Variants in WWC2 observed in about 807,000 individuals in gnomAD.
The protein encoded by WWC2 is WW and C2 domain containing 2, also known as protein WWC2.
WWC2 carries 101 observed loss-of-function variants against 138.5 expected under a neutral mutation model. That is an observed-to-expected ratio of 0.73 (90% CI 0.62 to 0.86). WWC2 has a LOEUF of 0.86. Ranked by LOEUF, WWC2 falls within the 40% of genes least tolerant of loss-of-function variation. The probability of loss-of-function intolerance (pLI) is 0.00; values close to 1 mark genes in which losing one functional copy is unlikely to be tolerated. For missense variants in WWC2, 1,420 were observed against 1,419.4 expected (o/e 1.00, Z -0.01); for synonymous variants, 558 against 538.4 (o/e 1.04, Z -0.50).
chr4:183,217,454 C>A (rs1420737405), intron 4 of WWC2, among the ~76,000 whole-genome samples: 1 of 151,414 alleles, frequency 6.6e-6, no homozygotes, highest in Non-Finnish European at 1.5e-5. Flanking sequence ...TGCAAAGAAG[C>A]AAGGAAATAT....
At chr4:183,118,359 A>G (rs1732493183) in intron 1 of WWC2, among the ~76,000 whole-genome samples, 1 of 152,138 alleles carries the variant, frequency 6.6e-6, no homozygotes, top group Non-Finnish European at 1.5e-5. Flanking sequence ...GAATCTTTTC[A>G]TTTGTACATT....
At chr4:183,211,075 A>G (rs1405110366) in intron 4 of WWC2, among the ~76,000 whole-genome samples, 6 of 152,238 alleles carry the variant, frequency 3.9e-5, no homozygotes, top group Non-Finnish European at 7.3e-5. Context: ...AGTATTTTCT[A>G]ACTTCCTTTA....
At chr4:183,185,219 A>G (rs111357497) in intron 1 of WWC2, among the ~76,000 whole-genome samples, 1 of 152,242 alleles carries the variant, frequency 6.6e-6, no homozygotes, top group Admixed American at 6.5e-5. Context: ...AGATGCACGC[A>G]TAGGTTTCAG....
At chr4:183,141,285 C>T (rs563605395) in intron 1 of WWC2, among the ~76,000 whole-genome samples, 62 of 152,270 alleles carry the variant, frequency 4.1e-4, no homozygotes, top group African/African-American at 1.5e-3. Context: ...GCTGTGTCCC[C>T]ACATGGCCTT....
intron 1 of WWC2, among the ~76,000 whole-genome samples, chr4:183,173,617 C>G (rs1734358268): frequency 6.6e-6 from 1 of 151,564 alleles, no homozygotes; most frequent in Non-Finnish European, 1.5e-5. Flanking sequence ...CAGTGGATTG[C>G]AAGCAGAAGT....
chr4:183,117,633 T>G lies in WWC2; in HGVS notation c.131+18011T>G, dbSNP rs368833960. ...ATGTAAATTACAAAGCTTTTTTTTT[T>G]TTTGTTTAAAACACTGAGACAAGGT... is the stretch of plus-strand genomic sequence containing the variant. On this transcript the variant is annotated intron_variant, in intron 1 of 22. Transcript: ENST00000403733. Among the ~76,000 whole-genome samples, 39 of 152,080 alleles carry G rather than the reference T, an allele frequency of 2.6e-4. 1 individual carries two copies. The highest frequency in any genetic ancestry group is 6.2e-4 in the South Asian group (3 of 4,816).
chr4:183,218,489 A>G (rs548784077), intron 4 of WWC2, among the ~76,000 whole-genome samples: 1 of 152,364 alleles, frequency 6.6e-6, no homozygotes, highest in East Asian at 1.9e-4. Context: ...ACTTTTTGAT[A>G]TATATCTATA....
chr4:183,134,623 G>A lies in WWC2; in HGVS notation c.131+35001G>A, dbSNP rs544525308. 1.4e-4 allele frequency among the ~76,000 whole-genome samples: 21 copies of A among 151,878 alleles called. No homozygotes were observed. The South Asian group carries it at 4.2e-3, about 30-fold the overall frequency. ...TGTTTTATCTTGTTGCCTCTTGTTT[G>A]TTTCATCTCTCTCACCATGAATTCT... On this transcript the variant is annotated intron_variant, in intron 1 of 22. Coordinates refer to ENST00000403733, the MANE Select transcript of WWC2 (RefSeq NM_024949.6).
chr4:183,114,032 GT>G (rs1332332112), intron 1 of WWC2, among the ~76,000 whole-genome samples: 1 of 152,140 alleles, frequency 6.6e-6, no homozygotes, highest in Non-Finnish European at 1.5e-5. Flanking sequence ...CCAAAGTTCT[GT>G]TTCCGATGTA....
At chr4:183,160,473 T>G (rs1034710035) in intron 1 of WWC2, among the ~76,000 whole-genome samples, 10 of 152,208 alleles carry the variant, frequency 6.6e-5, no homozygotes, top group African/African-American at 2.4e-4. Flanking sequence ...ATGAACCATA[T>G]TGAATCAGTC....
At chr4:183,154,617 A>G (rs1184582435) in intron 1 of WWC2, among the ~76,000 whole-genome samples, 3 of 152,216 alleles carry the variant, frequency 2.0e-5, no homozygotes, top group Admixed American at 1.3e-4. Flanking sequence ...AAGGTATGGC[A>G]ACATTTCACA....
intron 1 of WWC2, among the ~76,000 whole-genome samples, chr4:183,153,610 C>T (rs1370579141): frequency 6.7e-6 from 1 of 149,392 alleles, no homozygotes; most frequent in Non-Finnish European, 1.5e-5. Context: ...ATTGAAATGT[C>T]AGTTTTTAGT....
chr4:183,253,850 TGAAAAA>T lies in WWC2; in HGVS notation c.1051_1056del (p.Lys351_Glu352del). 1.2e-6 allele frequency: 2 copies of T among 1,613,748 alleles called. No homozygotes were observed. The highest frequency in any genetic ancestry group is 1.7e-6 in the Non-Finnish European group (2 of 1,179,820). Reference sequence around the variant, plus strand: ...AGAAGGAAAAACTGATGCTGATTAATGAAAAAGAAGAACTTTTGAAAGAGCTTCAGT... The same window carrying T: ...AGAAGGAAAAACTGATGCTGATTAATGAAGAACTTTTGAAAGAGCTTCAGT... On this transcript the variant is annotated inframe_deletion, in exon 9 of 23. Coordinates refer to ENST00000403733, the MANE Select transcript of WWC2 (RefSeq NM_024949.6).
chr4:183,138,332 G>A (rs967777098), intron 1 of WWC2, among the ~76,000 whole-genome samples: 1 of 152,120 alleles, frequency 6.6e-6, no homozygotes, highest in African/African-American at 2.4e-5. Flanking sequence ...TAATGGTAGG[G>A]TTTTGCTTAG....
intron 4 of WWC2, among the ~76,000 whole-genome samples, chr4:183,237,774 A>G (rs530581162): frequency 6.6e-6 from 1 of 152,328 alleles, no homozygotes; most frequent in African/African-American, 2.4e-5. Context: ...CTATGCAAAC[A>G]TGAGTATTAC....
chr4:183,146,391 G>A (rs1018202920), intron 1 of WWC2, among the ~76,000 whole-genome samples: 1 of 152,220 alleles, frequency 6.6e-6, no homozygotes, highest in Non-Finnish European at 1.5e-5. Flanking sequence ...TCTCTCTCTA[G>A]ATGAGGGCCG....
intron 1 of WWC2, among the ~76,000 whole-genome samples, chr4:183,147,081 G>A (rs1733483559): frequency 6.6e-6 from 1 of 152,222 alleles, no homozygotes; most frequent in South Asian, 2.1e-4. Flanking sequence ...AAGCTCACAG[G>A]TGATGTCAAT....
At chr4:183,147,495 C>G (rs746524666) in intron 1 of WWC2, among the ~76,000 whole-genome samples, 101 of 152,190 alleles carry the variant, frequency 6.6e-4, no homozygotes, top group Non-Finnish European at 1.3e-3. Context: ...TCAGATCACT[C>G]TGTTGTTATT....
chr4:183,099,549 AG>A lies in WWC2; in HGVS notation c.61del (p.Asp21ThrfsTer25). The stretch of plus-strand genomic sequence containing the variant: ...GCTGCCCCGGGGCTGGGAGGAGGCC[AG>A]GGACTACGACGGCAAGGTCTTCTAC... ...LPLPRGWEEA[R>X]DYDGKVFYID... On this transcript the variant is annotated frameshift_variant, in exon 1 of 23. Transcript: ENST00000403733. LOFTEE classifies it high-confidence loss of function. 7.0e-7 allele frequency: 1 copy of A among 1,418,900 alleles called. No individual in the cohort carries two copies. The highest frequency in any genetic ancestry group is 9.3e-7 in the Non-Finnish European group (1 of 1,070,064). 87.9% of individuals were successfully genotyped at this position (1,418,900 alleles called of 1,614,324 possible).
Sources: allele counts gnomAD v4.1 joint callset (sites outside exome capture counted in the v4.1 genomes callset), GRCh38; gene constraint gnomAD v4.1.1; transcripts MANE v1.5; gene names NCBI Gene and HGNC (gene_info 2026-07-23, HGNC 2026-07-21).